CLASP2: variants seen among roughly 807,000 people sequenced by gnomAD.
CLASP2 encodes the protein cytoplasmic linker associated protein 2.
A neutral mutation model predicts 194.4 loss-of-function variants in CLASP2; 47 were observed. The ratio of observed to expected loss-of-function variants is 0.24; its 90% CI spans 0.19 to 0.31. CLASP2 has a LOEUF of 0.31. Among genes scored for constraint, CLASP2 ranks in the 10% least tolerant of loss-of-function variants. CLASP2 has a pLI of 1.00. For synonymous variants in CLASP2, 619 were observed against 633.5 expected, an observed-to-expected ratio of 0.98 and a Z score of 0.34; for missense variants, 1,445 against 1,823.6, an observed-to-expected ratio of 0.79 and a Z score of 3.78.
chr3:33,644,788 C>A lies in CLASP2; in HGVS notation c.831G>T (p.Lys277Asn), dbSNP rs1318270540. Residue 277 changes from lysine to asparagine, a missense_variant, in exon 8 of 39, where the codon AAG becomes AAT. Around this residue, in one of 4 missense-constraint regions of CLASP2, gnomAD observed 207 missense variants for 331.4 expected, o/e 0.62. Transcript: ENST00000682230. ...TSGNPANSAR[K>N]PGSAGGPKVG... Reference sequence around the variant, plus strand: ...CCTTAGGGCCACCTGCTGAACCAGGCTTCCTTGCACTGTTGGCAGGATTTC... The same window carrying A: ...CCTTAGGGCCACCTGCTGAACCAGGATTCCTTGCACTGTTGGCAGGATTTC... 2 of 1,613,262 alleles carry A rather than the reference C, an allele frequency of 1.2e-6. No individual in the cohort carries two copies. Among genetic ancestry groups the A allele is most frequent in the Non-Finnish European group, 1.7e-6 (2 of 1,179,660 alleles).
intron 8 of CLASP2, chr3:33,644,477 A>G: frequency 2.5e-6 from 1 of 395,550 alleles, no homozygotes; most frequent in Non-Finnish European, 4.7e-6. Flanking sequence ...AAAAACAAAA[A>G]AACCCCAAAA....
At chr3:33,582,603 G>C (rs1422561046) in intron 22 of CLASP2, among the ~76,000 whole-genome samples, 3 of 152,142 alleles carry the variant, frequency 2.0e-5, no homozygotes, top group African/African-American at 7.2e-5. Context: ...AGGCCGCAGT[G>C]AACTATGATC....
At chr3:33,715,253 A>C (rs1193284590) in intron 1 of CLASP2, among the ~76,000 whole-genome samples, 2 of 152,190 alleles carry the variant, frequency 1.3e-5, no homozygotes, top group Non-Finnish European at 2.9e-5. Flanking sequence ...TCTAATTTCT[A>C]TACCTGTCTA....
At chr3:33,601,560 T>C (rs533582906) in intron 18 of CLASP2, among the ~76,000 whole-genome samples, 3 of 152,360 alleles carry the variant, frequency 2.0e-5, no homozygotes, top group South Asian at 2.1e-4. Context: ...TTTCATACTT[T>C]AGATTTAAAT....
At chr3:33,602,887 T>C (rs759908980) in intron 18 of CLASP2, 65 bp downstream of exon 18, 13 of 1,418,434 alleles carry the variant, frequency 9.2e-6, no homozygotes, top group Non-Finnish European at 1.2e-5. Flanking sequence ...TTAAGGTATA[T>C]GAACTTGTCT....
intron 9 of CLASP2, among the ~76,000 whole-genome samples, chr3:33,627,664 T>TGC (rs1223227455): frequency 2.6e-5 from 4 of 152,150 alleles, no homozygotes; most frequent in African/African-American, 7.2e-5. Context: ...ACGTGGTCTT[T>TGC]GCCTTATGGA....
rs765653655 is a variant in CLASP2 at position 33,573,186 on chromosome 3, C to T, written c.2623G>A (p.Ala875Thr). Residue 875 changes from alanine (A) to threonine (T), a missense_variant, in exon 25 of 39, where the codon GCT (alanine) becomes ACT (threonine). Physicochemically the swap from Ala to Thr is moderately conservative, Grantham distance 58. Transcript: ENST00000682230. ...TTCCTTTCTGACCAATTGGAACTAG[C>T]ACATCTATTGAGGACTTCTGCCACA... ...EDVAEVLNRC[A>T]SSNWSERKEG... 1.2e-6 allele frequency: 2 copies of T among 1,613,902 alleles called. No homozygotes were observed. The highest frequency in any genetic ancestry group is 1.7e-6 in the Non-Finnish European group (2 of 1,179,822).
At chr3:33,641,421 C>T (rs968246456) in intron 8 of CLASP2, among the ~76,000 whole-genome samples, 6 of 151,510 alleles carry the variant, frequency 4.0e-5, no homozygotes, top group Non-Finnish European at 7.4e-5. Flanking sequence ...GTAACACTTT[C>T]GACACTTACA....
At chr3:33,691,591 C>T (rs1202095180) in intron 2 of CLASP2, among the ~76,000 whole-genome samples, 1 of 152,170 alleles carries the variant, frequency 6.6e-6, no homozygotes, top group African/African-American at 2.4e-5. Flanking sequence ...AATATAAATT[C>T]TTCTCATACA....
chr3:33,573,614 T>C (rs998157874), intron 24 of CLASP2, among the ~76,000 whole-genome samples: 2 of 152,144 alleles, frequency 1.3e-5, no homozygotes, highest in African/African-American at 4.8e-5. Flanking sequence ...ATATGTAAAG[T>C]GGGAAGCGCT....
At chr3:33,660,130 G>A (rs1164153193) in intron 7 of CLASP2, among the ~76,000 whole-genome samples, 1 of 152,180 alleles carries the variant, frequency 6.6e-6, no homozygotes, top group Admixed American at 6.5e-5. Context: ...CAGTGAAAGA[G>A]AAAAGGATTT....
At chr3:33,670,691 T>C (rs1270807256) in intron 6 of CLASP2, among the ~76,000 whole-genome samples, 1 of 152,108 alleles carries the variant, frequency 6.6e-6, no homozygotes, top group Admixed American at 6.5e-5. Context: ...AGTGCCAGGG[T>C]AGGAAAACCT....
intron 26 of CLASP2, among the ~76,000 whole-genome samples, chr3:33,569,165 T>G (rs776923076): frequency 3.9e-5 from 6 of 152,198 alleles, no homozygotes; most frequent in Admixed American, 6.5e-5. Context: ...TAGCTGGTTC[T>G]CCACCTGTAT....
At chr3:33,574,798 T>C (rs1470310204) in intron 24 of CLASP2, among the ~76,000 whole-genome samples, 1 of 152,168 alleles carries the variant, frequency 6.6e-6, no homozygotes, top group Non-Finnish European at 1.5e-5. Context: ...TTTCTATGAT[T>C]TTCTCCAGCA....
chr3:33,655,312 T>C (rs1234172866), intron 7 of CLASP2, among the ~76,000 whole-genome samples: 1 of 152,166 alleles, frequency 6.6e-6, no homozygotes, highest in Non-Finnish European at 1.5e-5. Flanking sequence ...GAGACTGCCT[T>C]AGAAGGACAC....
At chr3:33,503,005 G>C (rs1471876812) in intron 37 of CLASP2, 2 of 151,992 alleles carry the variant, frequency 1.3e-5, no homozygotes, top group African/African-American at 4.8e-5. Context: ...CCTCCTTCCT[G>C]CTAAATTTTT....
chr3:33,696,131 T>G (rs1305839061), intron 2 of CLASP2, among the ~76,000 whole-genome samples: 2 of 151,998 alleles, frequency 1.3e-5, no homozygotes, highest in Non-Finnish European at 2.9e-5. Flanking sequence ...TTTTGTTTGT[T>G]GCATCTAATG....
At chr3:33,596,237 G>A (rs1019488897) in intron 19 of CLASP2, among the ~76,000 whole-genome samples, 1 of 151,968 alleles carries the variant, frequency 6.6e-6, no homozygotes. Flanking sequence ...TTGACTAAAT[G>A]TTAGTTTACA....
intron 12 of CLASP2, among the ~76,000 whole-genome samples, chr3:33,616,975 C>T (rs768061441): frequency 2.7e-5 from 4 of 150,872 alleles, no homozygotes; most frequent in African/African-American, 4.9e-5. Context: ...CTGTGATCGA[C>T]CTGCCTCAGC....
Sources: gnomAD v4.1 joint callset for allele counts (sites outside exome capture counted in the v4.1 genomes callset) on GRCh38, gnomAD v4.1.1 for gene constraint, gnomAD v4.1.1 regional missense constraint, MANE v1.5 for transcripts, NCBI Gene and HGNC (gene_info 2026-07-23, HGNC 2026-07-21) for gene names.